Variants in RABGAP1L observed in about 807,000 individuals in gnomAD.
The protein encoded by RABGAP1L is RAB GTPase activating protein 1 like, also known as rab GTPase-activating protein 1-like.
A neutral mutation model predicts 137.7 loss-of-function variants in RABGAP1L; 63 were observed. The ratio of observed to expected loss-of-function variants is 0.46; its 90% CI spans 0.37 to 0.56. The LOEUF (loss-of-function observed/expected upper bound fraction) is 0.56, where lower values mean the gene tolerates loss of function less well. Among genes scored for constraint, RABGAP1L ranks in the 20% least tolerant of loss-of-function variants. The pLI is 0.00. For synonymous variants in RABGAP1L, 431 were observed against 433.7 expected, an observed-to-expected ratio of 0.99 and a Z score of 0.08; for missense variants, 1,095 against 1,244.0, an observed-to-expected ratio of 0.88 and a Z score of 1.80.
At chr1:174,327,903 G>A (rs542315334) in intron 11 of RABGAP1L, among the ~76,000 whole-genome samples, 13 of 146,208 alleles carry the variant, frequency 8.9e-5, no homozygotes, top group Admixed American at 6.2e-4. Flanking sequence ...GGCAAACAGG[G>A]CCATTATGTA....
intron 18 of RABGAP1L, among the ~76,000 whole-genome samples, chr1:174,769,137 A>T (rs565827805): frequency 6.6e-6 from 1 of 152,304 alleles, no homozygotes; most frequent in Non-Finnish European, 1.5e-5. Flanking sequence ...AGACAGCCAC[A>T]CTTTGCAGGT....
chr1:174,924,244 G>A (rs1573849068), intron 19 of RABGAP1L, among the ~76,000 whole-genome samples: 2 of 151,812 alleles, frequency 1.3e-5, no homozygotes, highest in Admixed American at 6.6e-5. Context: ...AAAATCAGCC[G>A]GGCATGATAG....
chr1:174,546,168 A>C (rs533350137), intron 13 of RABGAP1L, among the ~76,000 whole-genome samples: 1 of 152,330 alleles, frequency 6.6e-6, no homozygotes, highest in Admixed American at 6.5e-5. Flanking sequence ...GCTGCTCTAA[A>C]GTTGGGTCTG....
intron 12 of RABGAP1L, among the ~76,000 whole-genome samples, chr1:174,387,241 A>G (rs1686870603): frequency 6.6e-6 from 1 of 152,192 alleles, no homozygotes; most frequent in Non-Finnish European, 1.5e-5. Flanking sequence ...TCATTCATTC[A>G]TTCAACTTTT....
intron 1 of RABGAP1L, among the ~76,000 whole-genome samples, chr1:174,195,480 T>C (rs1667505690): frequency 6.6e-6 from 1 of 152,190 alleles, no homozygotes; most frequent in Non-Finnish European, 1.5e-5. Context: ...TTTTTGAGAG[T>C]GTAATATGTT....
chr1:174,430,326 C>G (rs1227268672), intron 13 of RABGAP1L, among the ~76,000 whole-genome samples: 1 of 151,454 alleles, frequency 6.6e-6, no homozygotes, highest in Non-Finnish European at 1.5e-5. Flanking sequence ...CCACTGCACT[C>G]CAGCCTAGAT....
At chr1:174,813,563 T>G (rs1310390235) in intron 19 of RABGAP1L, among the ~76,000 whole-genome samples, 1 of 152,214 alleles carries the variant, frequency 6.6e-6, no homozygotes, top group Non-Finnish European at 1.5e-5. Flanking sequence ...ACACTGAAAG[T>G]AAGTAACTGG....
At chr1:174,194,902 T>C (rs370147776) in intron 1 of RABGAP1L, among the ~76,000 whole-genome samples, 13 of 152,212 alleles carry the variant, frequency 8.5e-5, no homozygotes, top group African/African-American at 3.1e-4. Context: ...GTCTTTACAT[T>C]GAATCACAAG....
chr1:174,339,858 C>T (rs1409359959), intron 11 of RABGAP1L, among the ~76,000 whole-genome samples: 1 of 152,102 alleles, frequency 6.6e-6, no homozygotes, highest in Non-Finnish European at 1.5e-5. Flanking sequence ...CCACCCACCT[C>T]AGCCTCCCAA....
intron 13 of RABGAP1L, among the ~76,000 whole-genome samples, chr1:174,554,005 G>T (rs1376608466): frequency 1.3e-5 from 2 of 151,996 alleles, no homozygotes; most frequent in African/African-American, 2.4e-5. Flanking sequence ...AAATAAAGAA[G>T]CATAGAATTA....
At chr1:174,547,715 G>A (rs2147967703) in intron 13 of RABGAP1L, 1 of 803,696 alleles carries the variant, frequency 1.2e-6, no homozygotes, top group Admixed American at 2.8e-5. Flanking sequence ...TAGACATGGG[G>A]AATTTATCTG....
intron 1 of RABGAP1L, among the ~76,000 whole-genome samples, chr1:174,191,982 C>A (rs1247769073): frequency 1.3e-5 from 2 of 152,088 alleles, no homozygotes; most frequent in Non-Finnish European, 2.9e-5. Flanking sequence ...AGTCTGCTTT[C>A]TGTGCAGCAG....
intron 15 of RABGAP1L, among the ~76,000 whole-genome samples, chr1:174,696,336 G>T (rs1410056090): frequency 6.6e-6 from 1 of 151,884 alleles, no homozygotes; most frequent in Non-Finnish European, 1.5e-5. Context: ...AAGCTGCCCT[G>T]CCTGGAGTTG....
chr1:174,563,870 C>T (rs1371936850), intron 13 of RABGAP1L, among the ~76,000 whole-genome samples: 1 of 152,074 alleles, frequency 6.6e-6, no homozygotes, highest in Non-Finnish European at 1.5e-5. Flanking sequence ...TTAACTCCAG[C>T]CAGAGATTAA....
intron 13 of RABGAP1L, among the ~76,000 whole-genome samples, chr1:174,445,093 G>A (rs1005664777): frequency 6.6e-6 from 1 of 152,074 alleles, no homozygotes; most frequent in Non-Finnish European, 1.5e-5. Context: ...AATGCACACA[G>A]CACAATGCTT....
chr1:174,811,806 G>A, intron 18 of RABGAP1L, 26 bp from the exon 19 acceptor site: 6 of 1,517,354 alleles, frequency 4.0e-6, no homozygotes, highest in Non-Finnish European at 5.3e-6. Flanking sequence ...GAAATGTAAT[G>A]ACGATTCTTG....
chr1:174,969,263 T>C lies in RABGAP1L; in HGVS notation c.2434-14T>C. 7 of 1,536,330 alleles carry C rather than the reference T, an allele frequency of 4.6e-6. No individual in the cohort carries two copies. The highest frequency in any genetic ancestry group is 6.2e-6 in the Non-Finnish European group (7 of 1,133,770). On this transcript the variant is annotated splice_polypyrimidine_tract_variant and intron_variant, in intron 20 of 25. Transcript: ENST00000681986. ...AGACACTAATGCCCACCTCTGGCTA[T>C]TGTTCTTCTGCAGAGGGAGAACCGA...
intron 19 of RABGAP1L, among the ~76,000 whole-genome samples, chr1:174,816,309 C>T (rs565965546): frequency 2.9e-4 from 44 of 152,006 alleles, no homozygotes; most frequent in South Asian, 8.3e-4. Flanking sequence ...TGCACCACCA[C>T]GCCCAGATAA....
chr1:174,544,184 G>T (rs947217401), intron 13 of RABGAP1L, among the ~76,000 whole-genome samples: 13 of 152,166 alleles, frequency 8.5e-5, no homozygotes, highest in African/African-American at 3.1e-4. Flanking sequence ...ATATCCTGCA[G>T]AGTGTTTTCC....
Sources: gnomAD v4.1 joint callset for allele counts (sites outside exome capture counted in the v4.1 genomes callset) on GRCh38, gnomAD v4.1.1 for gene constraint, MANE v1.5 for transcripts, NCBI Gene and HGNC (gene_info 2026-07-23, HGNC 2026-07-21) for gene names.